The following FRMD4A variants were observed in gnomAD, a reference collection of about 807,000 sequenced individuals.
FRMD4A encodes FERM domain-containing protein 4A.
In FRMD4A, 29 loss-of-function variants were observed where a neutral mutation model predicts 129.1. The ratio of observed to expected loss-of-function variants is 0.22; its 90% CI spans 0.17 to 0.31. The LOEUF (loss-of-function observed/expected upper bound fraction) is 0.31. Among genes scored for constraint, FRMD4A ranks in the 10% least tolerant of loss-of-function variants. The pLI is 1.00. For missense variants in FRMD4A, 1,272 were observed against 1,375.8 expected, an observed-to-expected ratio of 0.92 and a Z score of 1.19; for synonymous variants, 634 against 571.6, an observed-to-expected ratio of 1.11 and a Z score of -1.56.
chr10:13,771,417 A>T (rs1341647928), intron 6 of FRMD4A, among the ~76,000 whole-genome samples: 1 of 152,184 alleles, frequency 6.6e-6, no homozygotes, highest in Admixed American at 6.5e-5. Flanking sequence ...GCACCCTCCC[A>T]AGAACACCCA....
At chr10:14,205,751 G>C (rs1238861153) in intron 2 of FRMD4A, among the ~76,000 whole-genome samples, 1 of 142,276 alleles carries the variant, frequency 7.0e-6, no homozygotes, top group African/African-American at 2.7e-5. Flanking sequence ...AGACTGCAGA[G>C]AGGTGAGAAT....
chr10:13,792,223 C>T (rs2093017782), intron 5 of FRMD4A, among the ~76,000 whole-genome samples: 1 of 152,220 alleles, frequency 6.6e-6, no homozygotes, highest in Non-Finnish European at 1.5e-5. Flanking sequence ...TGAACACCAT[C>T]TTTGCAGGAG....
chr10:14,086,029 T>TCCTATCTAAAGGCATATACTTCCA (rs1449527034), intron 2 of FRMD4A, among the ~76,000 whole-genome samples: 1 of 152,198 alleles, frequency 6.6e-6, no homozygotes, highest in East Asian at 1.9e-4. Flanking sequence ...GAGCACTGTT[T>TCCTATCTAAAGGCATATACTTCCA]CCTATCTAAA....
intron 2 of FRMD4A, among the ~76,000 whole-genome samples, chr10:14,098,440 G>T (rs1206580830): frequency 3.3e-5 from 5 of 149,490 alleles, no homozygotes; most frequent in African/African-American, 9.9e-5. Context: ...GTCTCGCTCT[G>T]TCACCCAGGC....
chr10:14,220,217 C>T (rs1319844311), intron 2 of FRMD4A, among the ~76,000 whole-genome samples: 1 of 152,190 alleles, frequency 6.6e-6, no homozygotes, highest in African/African-American at 2.4e-5. Context: ...AAGGGGCTCC[C>T]ACACACCAAG....
rs2080982528 is a variant in FRMD4A, at chr10:13,644,299, A to AAAG, written c.*2736_*2738dup. On this transcript the variant is annotated 3_prime_UTR_variant, in exon 25 of 25. Coordinates refer to ENST00000357447, the MANE Select transcript of FRMD4A (RefSeq NM_018027.5). ...TTCGTATTTCACCTTATTTTGTTTTAAAGAAATAGGGATAAAGAGTTTGCA... is the reference window on the plus strand; with the variant it reads ...TTCGTATTTCACCTTATTTTGTTTTAAAGAAGAAATAGGGATAAAGAGTTTGCA... 8 of 152,358 alleles carry AAAG rather than the reference A, an allele frequency of 5.3e-5. No homozygotes were observed. The South Asian group carries it at 1.7e-3, about 32-fold the overall frequency. The allele number at this position is 152,358 out of a possible 1,614,324, so 9.4% of individuals were successfully genotyped here. A position where few individuals can be genotyped will look rare whatever the true frequency, so the allele number is the denominator to read the frequency against.
chr10:14,301,149 A>G (rs1846172477), intron 2 of FRMD4A, among the ~76,000 whole-genome samples: 1 of 152,244 alleles, frequency 6.6e-6, no homozygotes, highest in Non-Finnish European at 1.5e-5. Context: ...CCAGGAAAGT[A>G]ACATTGGTCC....
At chr10:13,804,001 T>C (rs1314012251) in intron 4 of FRMD4A, among the ~76,000 whole-genome samples, 1 of 152,204 alleles carries the variant, frequency 6.6e-6, no homozygotes. Flanking sequence ...GAGGGCACCG[T>C]TCTTTTTGTT....
intron 2 of FRMD4A, among the ~76,000 whole-genome samples, chr10:14,152,117 CTT>C (rs36023583): frequency 7.1e-3 from 382 of 53,962 alleles, no homozygotes; most frequent in Non-Finnish European, 0.011. Flanking sequence ...TTGTGTAGTG[CTT>C]TTTTTTTTTT....
intron 15 of FRMD4A, among the ~76,000 whole-genome samples, chr10:13,682,497 C>CTTTTTTTTTTTTTTTTT (rs1170963559): frequency 3.6e-5 from 2 of 55,800 alleles, no homozygotes; most frequent in Non-Finnish European, 5.3e-5. Flanking sequence ...TTCTTTCTTT[C>CTTTTTTTTTTTTTTTTT]TTTTTTTTTT....
At chr10:14,171,775 C>T (rs1167229371) in intron 2 of FRMD4A, among the ~76,000 whole-genome samples, 1 of 152,128 alleles carries the variant, frequency 6.6e-6, no homozygotes, top group African/African-American at 2.4e-5. Flanking sequence ...TATTGAATAA[C>T]CATAACATGC....
intron 6 of FRMD4A, among the ~76,000 whole-genome samples, chr10:13,766,544 T>C (rs2092292419): frequency 6.6e-6 from 1 of 152,206 alleles, no homozygotes. Flanking sequence ...ATCATTTCAT[T>C]GGATGTTCTC....
intron 9 of FRMD4A, among the ~76,000 whole-genome samples, chr10:13,747,466 T>C (rs2091350681): frequency 6.7e-6 from 1 of 150,258 alleles, no homozygotes; most frequent in South Asian, 2.1e-4. Context: ...GAGGCAGAAG[T>C]TGCAATGAGC....
chr10:14,167,103 C>T lies in FRMD4A; in HGVS notation c.45+162955G>A, dbSNP rs529374440. ...CCAGAAGAGAATAATTAGAATGTTC[C>T]GAGCTCAAAAAAAGAGAAGTATTTA... On this transcript the variant is annotated intron_variant, in intron 2 of 24. Coordinates refer to ENST00000357447, the MANE Select transcript of FRMD4A (RefSeq NM_018027.5). Among the ~76,000 whole-genome samples the T allele has an allele frequency of 1.9e-4, 29 of 151,916 alleles. No individual in the cohort carries two copies. The South Asian group carries it at 4.6e-3, about 24-fold the overall frequency.
chr10:14,192,601 T>C (rs1160008179), intron 2 of FRMD4A, among the ~76,000 whole-genome samples: 2 of 152,204 alleles, frequency 1.3e-5, no homozygotes, highest in Non-Finnish European at 2.9e-5. Context: ...CTTCAGGATC[T>C]CTTGGACTTA....
intron 2 of FRMD4A, among the ~76,000 whole-genome samples, chr10:13,987,333 A>C (rs561553524): frequency 5.3e-5 from 8 of 152,226 alleles, no homozygotes; most frequent in Admixed American, 5.2e-4. Context: ...CTTCCACCCA[A>C]CTTTTTCCCA....
intron 2 of FRMD4A, among the ~76,000 whole-genome samples, chr10:14,173,416 C>G (rs1405971631): frequency 6.6e-6 from 1 of 152,164 alleles, no homozygotes; most frequent in Non-Finnish European, 1.5e-5. Context: ...CTAAATGTTA[C>G]AGGACCAAGT....
chr10:13,954,141 T>C (rs968385983), intron 2 of FRMD4A, among the ~76,000 whole-genome samples: 7 of 152,116 alleles, frequency 4.6e-5, no homozygotes, highest in African/African-American at 1.7e-4. Context: ...TCTCCGCAGG[T>C]TGGGTTGTGT....
At chr10:13,857,618 G>A (rs1319128642) in intron 3 of FRMD4A, among the ~76,000 whole-genome samples, 33 of 152,180 alleles carry the variant, frequency 2.2e-4, no homozygotes. Context: ...ACAAGGCAAC[G>A]CAAGACGAAA....
Sources: gnomAD v4.1 joint callset for allele counts (sites outside exome capture counted in the v4.1 genomes callset) on GRCh38, gnomAD v4.1.1 for gene constraint, MANE v1.5 for transcripts, NCBI Gene and HGNC (gene_info 2026-07-23, HGNC 2026-07-21) for gene names.